The following SASH1 variants were observed in gnomAD, a reference collection of about 807,000 sequenced individuals.
SASH1 encodes SAM and SH3 domain-containing protein 1.
SASH1 carries 44 observed loss-of-function variants against 125.2 expected under a neutral mutation model. The observed-to-expected ratio is 0.35, with a 90% CI of 0.28 to 0.45. SASH1 has a LOEUF of 0.45. SASH1 is among the 20% of genes least tolerant of loss of function. The probability of loss-of-function intolerance (pLI) is 1.00; values close to 1 mark genes in which losing one functional copy is unlikely to be tolerated. For missense variants in SASH1, 1,426 were observed against 1,614.5 expected, an observed-to-expected ratio of 0.88 and a Z score of 2.00; for synonymous variants, 639 against 649.1, an observed-to-expected ratio of 0.98 and a Z score of 0.24.
intron 2 of SASH1, among the ~76,000 whole-genome samples, chr6:148,397,927 C>G (rs1307475516): frequency 1.3e-5 from 2 of 152,164 alleles, no homozygotes; most frequent in Non-Finnish European, 2.9e-5. Flanking sequence ...AAGTAACATA[C>G]TCTTACCGTG....
At chr6:148,412,403 G>A (rs1583112153) in intron 2 of SASH1, among the ~76,000 whole-genome samples, 1 of 152,104 alleles carries the variant, frequency 6.6e-6, no homozygotes, top group East Asian at 1.9e-4. Context: ...ATCCATGAAT[G>A]AAAGAAAAAG....
intron 1 of SASH1, among the ~76,000 whole-genome samples, chr6:148,323,588 C>T (rs1448463839): frequency 6.6e-6 from 1 of 152,136 alleles, no homozygotes; most frequent in Non-Finnish European, 1.5e-5. Context: ...ACAGAGCTTG[C>T]AATTAATCAT....
chr6:148,425,323 GT>G (rs1219174677), intron 2 of SASH1, among the ~76,000 whole-genome samples: 1 of 152,206 alleles, frequency 6.6e-6, no homozygotes, highest in African/African-American at 2.4e-5. Flanking sequence ...CACTGTGTCT[GT>G]TAATGAAATA....
At chr6:148,499,055 T>A (rs993249868) in intron 8 of SASH1, among the ~76,000 whole-genome samples, 2 of 145,932 alleles carry the variant, frequency 1.4e-5, no homozygotes, top group African/African-American at 2.7e-5. Context: ...ATTCTTTTTT[T>A]TGTTTTTTTT....
Position 148,544,878 on chromosome 6 carries a change from C to T in SASH1, c.3348+60C>T. On this transcript the variant is annotated intron_variant, in intron 18 of 19. Coordinates refer to ENST00000367467, the MANE Select transcript of SASH1 (RefSeq NM_015278.5). The surrounding 1 kb of genome is among the most constrained non-coding windows in gnomAD (Gnocchi z 6.4). The stretch of plus-strand genomic sequence containing the variant: ...CCTTTGTTTGTAGAAGTCAGGCAGC[C>T]AGGTGAGATGAACCCACATCTGAAG... 6.8e-7 allele frequency: 1 copy of T among 1,473,398 alleles called. No homozygotes were observed. The highest frequency in any genetic ancestry group is 2.5e-5 in the East Asian group (1 of 40,736). The allele number at this position is 1,473,398 out of a possible 1,614,324, so 91.3% of individuals were successfully genotyped here. A position where few individuals can be genotyped will look rare whatever the true frequency, so the allele number is the denominator to read the frequency against.
rs1329370889 is a variant in SASH1 at position 148,322,924 on chromosome 6, TC to T, written n.74+50548del. Among the ~76,000 whole-genome samples the T allele has an allele frequency of 5.2e-4, 75 of 145,328 alleles. 4 individuals are homozygous for T. The highest frequency in any genetic ancestry group is 9.2e-4 in the Admixed American group (13 of 14,194). Reference sequence around the variant, plus strand: ...TCTCTCTCTTTCTTTCTTTTTTCTTTCTCTCTTTCTTTTCCTTCCTTCCTTC... The same window carrying T: ...TCTCTCTCTTTCTTTCTTTTTTCTTTTCTCTTTCTTTTCCTTCCTTCCTTC... On this transcript the variant is annotated intron_variant and non_coding_transcript_variant, in intron 1 of 3. Coordinates refer to the SASH1 transcript ENST00000367469.
At chr6:148,333,174 T>A (rs1457228801) in intron 1 of SASH1, among the ~76,000 whole-genome samples, 1 of 151,706 alleles carries the variant, frequency 6.6e-6, no homozygotes, top group East Asian at 1.9e-4. Flanking sequence ...AAAAAACAGA[T>A]TGCTTGCTTT....
chr6:148,223,214 C>G, the SASH1 span, among the ~76,000 whole-genome samples: 1 of 152,216 alleles, frequency 6.6e-6, no homozygotes, highest in African/African-American at 2.4e-5. Flanking sequence ...CTCTAACTAA[C>G]TAGGTGGGCC....
At chr6:148,260,723 A>G in the SASH1 span, among the ~76,000 whole-genome samples, 1 of 151,630 alleles carries the variant, frequency 6.6e-6, no homozygotes, top group African/African-American at 2.4e-5. Flanking sequence ...ATATATAAAT[A>G]TAATAACATT....
chr6:148,343,021 G>A lies in SASH1; in HGVS notation c.-47G>A, dbSNP rs1286674560. ...CAGGCTGCGCGCGGGTGCGGGGCGA[G>A]GGCGCCGCGGGGACTGGGACGCACG... On this transcript the variant is annotated 5_prime_UTR_variant, in exon 1 of 20. Coordinates refer to ENST00000367467, the MANE Select transcript of SASH1 (RefSeq NM_015278.5). 2 of 1,159,886 alleles carry A rather than the reference G, an allele frequency of 1.7e-6. No individual in the cohort carries two copies. Among genetic ancestry groups the A allele is most frequent in the African/African-American group, 3.3e-5 (2 of 61,510 alleles). The allele number at this position is 1,159,886 out of a possible 1,614,324, so 71.8% of individuals were successfully genotyped here.
chr6:148,373,319 G>C (rs1200922860), intron 1 of SASH1, among the ~76,000 whole-genome samples: 1 of 152,202 alleles, frequency 6.6e-6, no homozygotes, highest in Non-Finnish European at 1.5e-5. Flanking sequence ...GGTAATTGTG[G>C]GAAGAGCTGA....
chr6:148,485,167 G>A (rs1778789217), intron 7 of SASH1, among the ~76,000 whole-genome samples: 1 of 152,136 alleles, frequency 6.6e-6, no homozygotes, highest in Non-Finnish European at 1.5e-5. Context: ...TGCAGCTAAG[G>A]TTGGATATAA....
the SASH1 span, among the ~76,000 whole-genome samples, chr6:148,257,945 T>C: frequency 6.6e-6 from 1 of 152,194 alleles, no homozygotes; most frequent in East Asian, 1.9e-4. Context: ...TACTTTTGGA[T>C]CTGTTCCACT....
At chr6:148,289,343 C>T (rs2495941) in intron 1 of SASH1, among the ~76,000 whole-genome samples, 109,357 of 152,088 alleles carry the variant, frequency 0.72, 39,460 homozygotes, top group South Asian at 0.8. Flanking sequence ...CAACACCCCA[C>T]TGGTCCCTTC....
intron 2 of SASH1, chr6:148,393,759 G>T: frequency 3.0e-6 from 3 of 983,634 alleles, no homozygotes; most frequent in Non-Finnish European, 3.6e-6. Context: ...CATCAAAGGT[G>T]CAAGAATTTG....
intron 4 of SASH1, among the ~76,000 whole-genome samples, chr6:148,450,302 C>G (rs1427618577): frequency 1.3e-5 from 2 of 152,178 alleles, no homozygotes; most frequent in Non-Finnish European, 2.9e-5. Context: ...CCTTGGTAAT[C>G]AGTGGCCCCT....
Position 148,343,182 on chromosome 6 carries a change from G to A in SASH1, c.115G>A (p.Glu39Lys). 6.2e-7 allele frequency: 1 copy of A among 1,600,188 alleles called. No individual in the cohort carries two copies. The highest frequency in any genetic ancestry group is 1.1e-5 in the South Asian group (1 of 90,880). Residue 39 changes from glutamate to lysine, a missense_variant, in exon 1 of 20, where the codon GAG (glutamate) becomes AAG (lysine). By Grantham distance (56) the Glu-to-Lys change is moderately conservative. Around this residue, in one of 3 missense-constraint regions of SASH1, gnomAD observed 567 missense variants for 575.6 expected, o/e 0.99. Coordinates refer to ENST00000367467, the MANE Select transcript of SASH1 (RefSeq NM_015278.5). ...PEPKPGAGTS[E>K]AFSRLWTDVM... ...GCCCAAGCCGGGTGCTGGCACATCC[G>A]AGGCGTTCTCCCGACTCTGGACCGA...
chr6:148,293,575 C>CA (rs1779689125), intron 1 of SASH1, among the ~76,000 whole-genome samples: 3 of 152,048 alleles, frequency 2.0e-5, no homozygotes, highest in South Asian at 4.2e-4. Flanking sequence ...GCAGCGTGGG[C>CA]AGAGTCGGAG....
At position 148,422,886 on chromosome 6, in the gene SASH1, CT is replaced by C. The variant is rs1775631300; in HGVS notation, c.286-17294del. ...CTGAGATTCCAATTTTTATATAATT[CT>C]TTTCTTTCTCAAATAATATGATATC... On this transcript the variant is annotated intron_variant, in intron 2 of 19. Transcript: ENST00000367467. Among the ~76,000 whole-genome samples the C allele has an allele frequency of 3.9e-5, 6 of 152,172 alleles. No homozygotes were observed. The South Asian group carries it at 6.2e-4, about 16-fold the overall frequency.
Sources: gnomAD v4.1 joint callset for allele counts (sites outside exome capture counted in the v4.1 genomes callset) on GRCh38, gnomAD v4.1.1 for gene constraint, gnomAD v4.1.1 regional missense constraint, Gnocchi (gnomAD v3.1) non-coding constraint, MANE v1.5 for transcripts, NCBI Gene and HGNC (gene_info 2026-07-23, HGNC 2026-07-21) for gene names.